SMG1: variants seen among roughly 807,000 people sequenced by gnomAD.
SMG1 encodes the protein SMG1 nonsense mediated mRNA decay associated PI3K related kinase.
Under a neutral mutation model 419.9 loss-of-function variants are expected in SMG1, and 22 were observed. That is an observed-to-expected ratio of 0.05 (90% CI 0.04 to 0.07). The LOEUF (loss-of-function observed/expected upper bound fraction) is 0.07, where lower values mean the gene tolerates loss of function less well. Among genes scored for constraint, SMG1 ranks in the 10% least tolerant of loss-of-function variants. SMG1 has a pLI of 1.00. For synonymous variants in SMG1, 1,538 were observed against 1,553.5 expected (o/e 0.99, Z 0.23); for missense variants, 3,185 against 4,342.0 (o/e 0.73, Z 7.49).
chr16:18,845,509 C>G lies in SMG1; in HGVS notation c.6139G>C (p.Ala2047Pro). 3 of 1,613,922 alleles carry G rather than the reference C, an allele frequency of 1.9e-6. No individual in the cohort carries two copies. Among genetic ancestry groups the G allele is most frequent in the Non-Finnish European group, 2.5e-6 (3 of 1,179,878 alleles). The change falls in exon 39 of 63, where the codon GCC becomes CCC. Residue 2047 changes from alanine (A) to proline (P), a missense_variant. Transcript: ENST00000446231. ...EKWFQDNYGD[A>P]IENALEKLKT... is the part of the protein sequence containing the mutation. ...AGTTTTTCTAGGGCATTTTCAATGGCATCACCATAGTTATCCTGAAACCAT... is the reference window on the plus strand; with the variant it reads ...AGTTTTTCTAGGGCATTTTCAATGGGATCACCATAGTTATCCTGAAACCAT...
chr16:18,880,065 G>A (rs2036315278), intron 10 of SMG1, among the ~76,000 whole-genome samples: 1 of 152,172 alleles, frequency 6.6e-6, no homozygotes, highest in Admixed American at 6.5e-5. Flanking sequence ...GGTATTGACA[G>A]CATGGGAATA....
intron 6 of SMG1, among the ~76,000 whole-genome samples, chr16:18,887,516 C>CTTTGTTTTTA (rs749197007): frequency 9.1e-6 from 1 of 110,140 alleles, no homozygotes; most frequent in Non-Finnish European, 1.8e-5. Flanking sequence ...TTTTTTTTTC[C>CTTTGTTTTTA]TTTTTTTTTT....
rs781416695 is a variant in SMG1 at position 18,900,030 on chromosome 16, T to G, written c.93-3074A>C. ...TATAATATGGAGCCTTTGTGATGTTTTGCATCAAGTCAATCTGTAAGACAG... is the reference window on the plus strand; with the variant it reads ...TATAATATGGAGCCTTTGTGATGTTGTGCATCAAGTCAATCTGTAAGACAG... On this transcript the variant is annotated intron_variant, in intron 1 of 62. Transcript: ENST00000446231. 124 of 1,528,438 alleles carry G rather than the reference T, an allele frequency of 8.1e-5. 1 individual carries two copies. In the South Asian group the frequency reaches 1.4e-3, roughly 17 times the overall value. 94.7% of individuals were successfully genotyped at this position (1,528,438 alleles called of 1,614,324 possible). A position where few individuals can be genotyped will look rare whatever the true frequency, so the allele number is the denominator to read the frequency against.
At position 18,852,413 on chromosome 16, in the gene SMG1, G is replaced by A. The variant is rs761220660; in HGVS notation, c.4818C>T (p.His1606=). Reference sequence around the variant, plus strand: ...CTTCAGGTGCCTGTACTGAAGACAGGTGATACAACTGTCCCAAAATGAAGT... The same window carrying A: ...CTTCAGGTGCCTGTACTGAAGACAGATGATACAACTGTCCCAAAATGAAGT... ...EPDFILGQLY[H]LSSVQAPEVA... Residue 1606 remains histidine, a synonymous_variant, in exon 32 of 63, where the codon CAC becomes CAT. Coordinates refer to ENST00000446231, the MANE Select transcript of SMG1 (RefSeq NM_015092.5). 2.5e-6 allele frequency: 4 copies of A among 1,609,596 alleles called. No homozygotes were observed. The South Asian group carries it at 3.3e-5, about 13-fold the overall frequency.
In SMG1 at chr16:18,836,538, CA is replaced by C. The variant is rs1010009797; in HGVS notation, c.7605-7del. 6.2e-7 allele frequency: 1 copy of C among 1,609,800 alleles called. No homozygotes were observed. On this transcript the variant is annotated splice_polypyrimidine_tract_variant and splice_region_variant and intron_variant, in intron 46 of 62. Coordinates refer to ENST00000446231, the MANE Select transcript of SMG1 (RefSeq NM_015092.5). ...GTTGGGTGTGCTCAGAATACCTAATCAGGGGGACACAAACAAAATCAAAAGA... is the reference window on the plus strand; with the variant it reads ...GTTGGGTGTGCTCAGAATACCTAATCGGGGGACACAAACAAAATCAAAAGA...
chr16:18,905,677 A>T (rs8062729), intron 1 of SMG1, among the ~76,000 whole-genome samples: 2 of 150,716 alleles, frequency 1.3e-5, no homozygotes, highest in Non-Finnish European at 2.9e-5. Flanking sequence ...TAGTGGTGCA[A>T]TACTGGCTCA....
intron 1 of SMG1, chr16:18,911,836 C>T (rs1439735242): frequency 6.6e-6 from 1 of 152,032 alleles, no homozygotes; most frequent in Non-Finnish European, 1.5e-5. Flanking sequence ...AATCCCAGAA[C>T]TTTGGGAGGC....
In SMG1 at chr16:18,819,460, T is replaced by A. The variant is rs756797729; in HGVS notation, c.9894+42A>T. 2.5e-6 allele frequency: 4 copies of A among 1,591,816 alleles called. No homozygotes were observed. In the East Asian group the frequency reaches 9.0e-5, roughly 36 times the overall value. ...TAACTTCCAGCTACTCATCTAATCC[T>A]GTAAAAGTGAATACAAAGATGGTGC... On this transcript the variant is annotated intron_variant, in intron 56 of 62. Transcript: ENST00000446231.
chr16:18,881,557 C>T (rs2036398488), intron 10 of SMG1, among the ~76,000 whole-genome samples: 1 of 152,164 alleles, frequency 6.6e-6, no homozygotes, highest in Non-Finnish European at 1.5e-5. Flanking sequence ...CTATATCACA[C>T]ATGCTTCTTT....
At chr16:18,837,985 C>CA in intron 45 of SMG1, 29 bp downstream of exon 45, 1 of 1,605,288 alleles carries the variant, frequency 6.2e-7, no homozygotes, top group Non-Finnish European at 8.5e-7. Flanking sequence ...AAAAAGAAGA[C>CA]AATGACTTAT....
At chr16:18,880,721 A>G (rs866261824) in intron 10 of SMG1, among the ~76,000 whole-genome samples, 2,812 of 63,830 alleles carry the variant, frequency 0.044, 221 homozygotes, top group African/African-American at 0.15. Context: ...CAAAAAAAAA[A>G]GGGGGGGGGC....
chr16:18,856,414 G>C (rs1440133057), intron 29 of SMG1: 1 of 145,350 alleles, frequency 6.9e-6, no homozygotes, highest in Non-Finnish European at 1.5e-5. Context: ...TTGGCTCAAT[G>C]CAAGATCCGC....
intron 25 of SMG1, among the ~76,000 whole-genome samples, chr16:18,862,841 A>G (rs2035285376): frequency 6.6e-6 from 1 of 152,180 alleles, no homozygotes. Flanking sequence ...GAGGCCTCCC[A>G]GCTATTTCCA....
At chr16:18,853,496 TA>T in intron 31 of SMG1, 86 bp downstream of exon 31, 1 of 1,154,730 alleles carries the variant, frequency 8.7e-7, no homozygotes, top group Non-Finnish European at 1.2e-6. Flanking sequence ...TATGGAAAAT[TA>T]TAGCCAGCAT....
chr16:18,921,703 T>C (rs2038207455), intron 1 of SMG1, among the ~76,000 whole-genome samples: 1 of 152,218 alleles, frequency 6.6e-6, no homozygotes, highest in Non-Finnish European at 1.5e-5. Flanking sequence ...GACATCAAAC[T>C]TAGTACAGAC....
At chr16:18,910,280 G>T (rs886720177) in intron 1 of SMG1, among the ~76,000 whole-genome samples, 1 of 148,044 alleles carries the variant, frequency 6.8e-6, no homozygotes, top group East Asian at 2.0e-4. Context: ...GCCCAGGCTG[G>T]AGTGCAGTGG....
chr16:18,892,177 A>C, intron 4 of SMG1, 41 bp downstream of exon 4: 1 of 1,355,114 alleles, frequency 7.4e-7, no homozygotes, highest in Non-Finnish European at 1.0e-6. Context: ...TTTATTATGG[A>C]AACACAAAAA....
chr16:18,815,636 GAGC>G lies in SMG1; in HGVS notation c.10315_10317del (p.Ala3439del). 6.2e-7 allele frequency: 1 copy of G among 1,613,672 alleles called. No homozygotes were observed. Among genetic ancestry groups the G allele is most frequent in the Non-Finnish European group, 8.5e-7 (1 of 1,179,720 alleles). On this transcript the variant is annotated inframe_deletion, in exon 59 of 63. Coordinates refer to ENST00000446231, the MANE Select transcript of SMG1 (RefSeq NM_015092.5). The stretch of plus-strand genomic sequence containing the variant: ...TAGGGAACATCTTCACCATCTGCCA[GAGC>G]AGCTTCTTCATCCTAGAATTGATAA...
rs757670534 is a variant in SMG1 at position 18,858,254 on chromosome 16, A to G, written c.4150T>C (p.Ser1384Pro). The change falls in exon 29 of 63, where the codon TCA becomes CCA. Residue 1384 changes from serine (S) to proline (P), a missense_variant. By Grantham distance (74) the Ser-to-Pro change is moderately conservative. Around this residue, in one of 27 missense-constraint regions of SMG1, gnomAD observed 493 missense variants for 552.9 expected, o/e 0.89. Transcript: ENST00000446231. ...LIPLFSEALR[S>P]CKQHDVRPWM... is the part of the protein sequence containing the mutation. ...GGCCTCACGTCATGCTGTTTACATG[A>G]ACGTAAAGCTTCACTGAAGAGTGGA... 79 of 1,609,544 alleles carry G rather than the reference A, an allele frequency of 4.9e-5. No homozygotes were observed. The highest frequency in any genetic ancestry group is 6.3e-5 in the Non-Finnish European group (74 of 1,178,104).
Sources: gnomAD v4.1 joint callset for allele counts (sites outside exome capture counted in the v4.1 genomes callset) on GRCh38, gnomAD v4.1.1 for gene constraint, gnomAD v4.1.1 regional missense constraint, MANE v1.5 for transcripts, NCBI Gene and HGNC (gene_info 2026-07-23, HGNC 2026-07-21) for gene names.